CPED1: variants seen among roughly 807,000 people sequenced by gnomAD.
CPED1 encodes cadherin-like and PC-esterase domain-containing protein 1.
CPED1 carries 114 observed loss-of-function variants against 128.2 expected under a neutral mutation model. The observed-to-expected ratio is 0.89, with a 90% CI of 0.76 to 1.04. CPED1 has a LOEUF of 1.04. CPED1 is among the 50% of genes least tolerant of loss of function. The pLI is 0.00. For synonymous variants in CPED1, 462 were observed against 426.7 expected, an observed-to-expected ratio of 1.08 and a Z score of -1.02; for missense variants, 1,211 against 1,207.1, an observed-to-expected ratio of 1.00 and a Z score of -0.05.
chr7:121,295,351 A>G (rs1241227223), intron 22 of CPED1, 89 bp from the exon 23 acceptor site: 18 of 1,445,708 alleles, frequency 1.2e-5, no homozygotes, highest in Non-Finnish European at 1.2e-5. Context: ...TCTGTGTGGC[A>G]GAGATGCATG....
At chr7:121,237,860 A>G (rs1798295350) in intron 17 of CPED1, among the ~76,000 whole-genome samples, 1 of 152,152 alleles carries the variant, frequency 6.6e-6, no homozygotes, top group Non-Finnish European at 1.5e-5. Context: ...ATTCTTGAAC[A>G]TGTGTTCTAA....
At chr7:121,185,591 A>C (rs572257718) in intron 16 of CPED1, among the ~76,000 whole-genome samples, 3 of 152,198 alleles carry the variant, frequency 2.0e-5, no homozygotes, top group Non-Finnish European at 4.4e-5. Flanking sequence ...TGGAGGTTTT[A>C]GTATAAAGTG....
intron 18 of CPED1, among the ~76,000 whole-genome samples, chr7:121,263,775 C>T (rs554438166): frequency 3.3e-5 from 5 of 152,052 alleles, no homozygotes; most frequent in Admixed American, 1.3e-4. Flanking sequence ...CTAGGGAGCT[C>T]GCTGGCTGCC....
At chr7:121,219,758 T>A (rs1467396822) in intron 16 of CPED1, among the ~76,000 whole-genome samples, 1 of 152,050 alleles carries the variant, frequency 6.6e-6, no homozygotes, top group Non-Finnish European at 1.5e-5. Context: ...GGAAGCCGTA[T>A]GTACTATCCT....
intron 2 of CPED1, among the ~76,000 whole-genome samples, chr7:121,010,044 A>G (rs1021464144): frequency 3.3e-5 from 5 of 152,226 alleles, no homozygotes; most frequent in African/African-American, 1.2e-4. Context: ...AGTTGCATAT[A>G]CAACAATGGC....
intron 8 of CPED1, 137 bp from the exon 9 acceptor site, chr7:121,125,683 T>C (rs1795485694): frequency 3.1e-6 from 2 of 653,336 alleles, no homozygotes; most frequent in Admixed American, 4.5e-5. Context: ...GGTGTGTATG[T>C]GCCACATTTT....
At chr7:121,127,473 A>G (rs1795532762) in intron 10 of CPED1, among the ~76,000 whole-genome samples, 1 of 152,012 alleles carries the variant, frequency 6.6e-6, no homozygotes, top group African/African-American at 2.4e-5. Context: ...TTATGGGTTG[A>G]AAATTAAGTA....
At chr7:121,112,150 A>G (rs1469600221) in intron 7 of CPED1, among the ~76,000 whole-genome samples, 1 of 152,190 alleles carries the variant, frequency 6.6e-6, no homozygotes, top group Non-Finnish European at 1.5e-5. Context: ...AGCCACTTGA[A>G]AAGGCCAAGT....
chr7:121,157,988 T>C (rs1329921119), intron 16 of CPED1, among the ~76,000 whole-genome samples: 1 of 152,174 alleles, frequency 6.6e-6, no homozygotes, highest in African/African-American at 2.4e-5. Context: ...TATCATAAAA[T>C]ATAAAAACTG....
chr7:121,058,438 A>T (rs1190445784), intron 4 of CPED1, among the ~76,000 whole-genome samples: 1 of 152,130 alleles, frequency 6.6e-6, no homozygotes, highest in East Asian at 1.9e-4. Context: ...AAGACATTTT[A>T]AAGGTATAAA....
chr7:121,141,498 C>T (rs1309704832), intron 15 of CPED1, among the ~76,000 whole-genome samples: 2 of 151,984 alleles, frequency 1.3e-5, no homozygotes, highest in Non-Finnish European at 2.9e-5. Context: ...AAAGAAGATA[C>T]TCATGGTTCC....
chr7:121,192,279 C>G (rs912480475), intron 16 of CPED1, among the ~76,000 whole-genome samples: 7 of 152,146 alleles, frequency 4.6e-5, no homozygotes, highest in African/African-American at 1.7e-4. Context: ...CTACAAAATT[C>G]AAAACTTTTT....
intron 6 of CPED1, among the ~76,000 whole-genome samples, chr7:121,098,767 AAT>A (rs35927005): frequency 0.64 from 76,923 of 120,910 alleles, 23,047 homozygotes; most frequent in East Asian, 0.83. Flanking sequence ...AATATATATA[AAT>A]ATATATATAT....
chr7:120,991,672 T>C (rs1452225131), intron 2 of CPED1, among the ~76,000 whole-genome samples: 1 of 152,220 alleles, frequency 6.6e-6, no homozygotes, highest in East Asian at 1.9e-4. Flanking sequence ...GAAAATTCGA[T>C]TTCAACTTTG....
chr7:121,084,518 A>T lies in CPED1; in HGVS notation c.617-13181A>T, dbSNP rs1384157517. On this transcript the variant is annotated intron_variant, in intron 5 of 22. Coordinates refer to ENST00000310396, the MANE Select transcript of CPED1 (RefSeq NM_024913.5). ...GGTTGTATCATAGAGGGAAACTAAG[A>T]TTCCATAGGTCACATTGCTATTGGT... Among the ~76,000 whole-genome samples, 5 of 152,186 alleles carry T rather than the reference A, an allele frequency of 3.3e-5. No individual in the cohort carries two copies. The East Asian group carries it at 9.6e-4, about 29-fold the overall frequency.
rs567416903 is a variant in CPED1 at position 120,989,665 on chromosome 7, C to T, written c.44C>T (p.Pro15Leu). The T allele has an allele frequency of 6.2e-7, 1 of 1,613,888 alleles. No individual in the cohort carries two copies. Among genetic ancestry groups the T allele is most frequent in the Admixed American group, 1.7e-5 (1 of 59,988 alleles). Reference sequence around the variant, plus strand: ...TTCCCTTGTCGTCGGCGATTTTGCCCCCGACCCTTCTTGGTGGGCTTAGTG... The same window carrying T: ...TTCCCTTGTCGTCGGCGATTTTGCCTCCGACCCTTCTTGGTGGGCTTAGTG... ...PVFPCRRRFC[P>L]RPFLVGLVVA... is the part of the protein sequence containing the mutation. The change falls in exon 2 of 23, where the codon CCC (proline) becomes CTC (leucine). Residue 15 changes from proline (P) to leucine (L), a missense_variant. Transcript: ENST00000310396.
intron 3 of CPED1, among the ~76,000 whole-genome samples, chr7:121,034,015 T>C (rs1050692295): frequency 2.6e-5 from 4 of 152,156 alleles, no homozygotes; most frequent in Admixed American, 6.6e-5. Flanking sequence ...AAATAACATT[T>C]AGTAGAACAG....
intron 18 of CPED1, chr7:121,261,676 A>C: frequency 6.2e-7 from 1 of 1,610,872 alleles, no homozygotes; most frequent in Non-Finnish European, 8.5e-7. Flanking sequence ...GTAATTGAAG[A>C]CACAATCCAG....
At chr7:121,123,359 AC>A (rs1372360921) in intron 7 of CPED1, among the ~76,000 whole-genome samples, 8 of 152,174 alleles carry the variant, frequency 5.3e-5, no homozygotes, top group Non-Finnish European at 1.0e-4. Context: ...TATCATAGCA[AC>A]AAAAGTTTTT....
Sources: gnomAD v4.1 joint callset for allele counts (sites outside exome capture counted in the v4.1 genomes callset) on GRCh38, gnomAD v4.1.1 for gene constraint, MANE v1.5 for transcripts, NCBI Gene and HGNC (gene_info 2026-07-23, HGNC 2026-07-21) for gene names.